The following RAB3GAP1 variants were observed in gnomAD, a reference collection of about 807,000 sequenced individuals.
RAB3GAP1 encodes rab3 GTPase-activating protein catalytic subunit.
Under a neutral mutation model 130.7 loss-of-function variants are expected in RAB3GAP1, and 86 were observed. The observed-to-expected ratio is 0.66, with a 90% CI of 0.55 to 0.79. The LOEUF (loss-of-function observed/expected upper bound fraction) is 0.79, where lower values mean the gene tolerates loss of function less well. Ranked by LOEUF, RAB3GAP1 falls within the 30% of genes least tolerant of loss-of-function variation. RAB3GAP1 has a pLI of 0.00. For synonymous variants in RAB3GAP1, 367 were observed against 401.7 expected, an observed-to-expected ratio of 0.91 and a Z score of 1.03; for missense variants, 1,029 against 1,169.4, an observed-to-expected ratio of 0.88 and a Z score of 1.75.
intron 19 of RAB3GAP1, among the ~76,000 whole-genome samples, chr2:135,159,112 T>A (rs1692395842): frequency 6.6e-6 from 1 of 152,192 alleles, no homozygotes; most frequent in South Asian, 2.1e-4. Flanking sequence ...CTTGAGTTCA[T>A]ACTGGTATAA....
At chr2:135,070,787 C>T (rs962140011) in intron 3 of RAB3GAP1, among the ~76,000 whole-genome samples, 8 of 152,022 alleles carry the variant, frequency 5.3e-5, no homozygotes, top group African/African-American at 1.7e-4. Context: ...CCACCACGCC[C>T]GGCCTGTAAA....
intron 5 of RAB3GAP1, among the ~76,000 whole-genome samples, chr2:135,106,768 T>TAAAAAAAAAAAA (rs1690637700): frequency 9.8e-5 from 6 of 61,468 alleles, no homozygotes; most frequent in Non-Finnish European, 1.7e-4. Context: ...AAAAAAAAAA[T>TAAAAAAAAAAAA]AAAAAAATAA....
At chr2:135,111,828 A>G (rs1216936850) in intron 5 of RAB3GAP1, among the ~76,000 whole-genome samples, 1 of 152,182 alleles carries the variant, frequency 6.6e-6, no homozygotes, top group Non-Finnish European at 1.5e-5. Flanking sequence ...TAGTTTACTT[A>G]GATACAAAAT....
chr2:135,063,939 G>T (rs1689246971), intron 3 of RAB3GAP1, among the ~76,000 whole-genome samples: 1 of 152,148 alleles, frequency 6.6e-6, no homozygotes, highest in Admixed American at 6.5e-5. Context: ...TTTCCTGAAA[G>T]ATTTTGCCGT....
chr2:135,061,964 C>A (rs1689183574), intron 3 of RAB3GAP1, among the ~76,000 whole-genome samples: 1 of 152,036 alleles, frequency 6.6e-6, no homozygotes, highest in African/African-American at 2.4e-5. Context: ...AAGTGGTCTA[C>A]TTCTGGAGTC....
At chr2:135,053,156 T>C (rs1688926230) in intron 2 of RAB3GAP1, among the ~76,000 whole-genome samples, 1 of 152,198 alleles carries the variant, frequency 6.6e-6, no homozygotes, top group African/African-American at 2.4e-5. Context: ...TACGCCCAAC[T>C]AATTTTTTAA....
Position 135,093,686 on chromosome 2 carries a change from G to C in RAB3GAP1, c.355G>C (p.Val119Leu). Residue 119 changes from valine to leucine, a missense_variant, in exon 5 of 24, where the codon GTA (valine) becomes CTA (leucine). Transcript: ENST00000264158. ...CTTTCCTCCAAGAGCACATTGCCTG[G>C]TAAGATGGTAGGTATATCTTTTACT... The part of the protein sequence containing the change: ...NDFPPRAHCL[V>L]RWYGLREFVV... 1 of 1,609,440 alleles carries C rather than the reference G, an allele frequency of 6.2e-7. No homozygotes were observed. Among genetic ancestry groups the C allele is most frequent in the South Asian group, 1.1e-5 (1 of 90,982 alleles).
chr2:135,130,571 T>C lies in RAB3GAP1; in HGVS notation c.1086T>C (p.His362=). The C allele has an allele frequency of 1.9e-6, 3 of 1,613,466 alleles. No individual in the cohort carries two copies. The highest frequency in any genetic ancestry group is 2.5e-6 in the Non-Finnish European group (3 of 1,179,544). The change falls in exon 13 of 24, where the codon CAT becomes CAC. Residue 362 remains histidine, a synonymous_variant. Transcript: ENST00000264158. ...EEGKETADIT[H]ALSKLTEPAS... ...TTATAGAAACTGCTGATATAACTCATGCTTTGTCAAAATTGACAGAGCCGG... is the reference window on the plus strand; with the variant it reads ...TTATAGAAACTGCTGATATAACTCACGCTTTGTCAAAATTGACAGAGCCGG...
At chr2:135,162,345 GA>G in intron 19 of RAB3GAP1, 3 of 559,136 alleles carry the variant, frequency 5.4e-6, no homozygotes, top group East Asian at 3.1e-5. Context: ...TAAGAAAGCA[GA>G]AAAAAATAGA....
At chr2:135,061,003 CTTT>C (rs369829961) in intron 3 of RAB3GAP1, among the ~76,000 whole-genome samples, 4 of 131,106 alleles carry the variant, frequency 3.1e-5, no homozygotes, top group African/African-American at 2.8e-5. Flanking sequence ...TGGGCCCAGC[CTTT>C]TTTTTTTTTT....
At chr2:135,052,585 G>C in intron 2 of RAB3GAP1, 100 bp downstream of exon 2, 2 of 1,388,106 alleles carry the variant, frequency 1.4e-6, no homozygotes, top group Non-Finnish European at 2.0e-6. Flanking sequence ...CCACTTGTGC[G>C]GGAACGGTAA....
intron 5 of RAB3GAP1, among the ~76,000 whole-genome samples, chr2:135,100,257 A>C: frequency 6.6e-6 from 1 of 152,226 alleles, no homozygotes; most frequent in Non-Finnish European, 1.5e-5. Context: ...AGCACAGCAT[A>C]GTCAGTTTTG....
At chr2:135,092,802 C>G (rs1690185827) in intron 4 of RAB3GAP1, among the ~76,000 whole-genome samples, 1 of 152,120 alleles carries the variant, frequency 6.6e-6, no homozygotes, top group Non-Finnish European at 1.5e-5. Flanking sequence ...GTGCAGTTTT[C>G]TTTTAATTTG....
chr2:135,153,749 T>C lies in RAB3GAP1; in HGVS notation c.2162T>C (p.Leu721Pro). 1 of 1,614,044 alleles carries C rather than the reference T, an allele frequency of 6.2e-7. No individual in the cohort carries two copies. The change falls in exon 19 of 24, where the codon CTG becomes CCG. Residue 721 changes from leucine to proline, a missense_variant. Leu to Pro is a moderately conservative substitution (Grantham distance 98, BLOSUM62 -3). Coordinates refer to ENST00000264158, the MANE Select transcript of RAB3GAP1 (RefSeq NM_012233.3). The stretch of plus-strand genomic sequence containing the variant: ...ATTGATGAAAAGGGCAATGTGGTGC[T>C]GAAAGGAGAACTGAGTGCCCGGATG... Reference protein sequence around the residue: ...EVIDEKGNVVLKGELSARMKI... With the variant: ...EVIDEKGNVVPKGELSARMKI...
intron 3 of RAB3GAP1, among the ~76,000 whole-genome samples, chr2:135,081,966 C>A (rs903571313): frequency 6.6e-6 from 1 of 151,772 alleles, no homozygotes; most frequent in African/African-American, 2.4e-5. Context: ...CATGGTAAAG[C>A]CCCCATCTAT....
chr2:135,052,718 G>GA (rs1260763941), intron 2 of RAB3GAP1, among the ~76,000 whole-genome samples: 1 of 152,156 alleles, frequency 6.6e-6, no homozygotes, highest in Non-Finnish European at 1.5e-5. Context: ...CAGGCTCTCA[G>GA]AAAGTTTTGT....
At chr2:135,133,335 G>A (rs1691598086) in intron 14 of RAB3GAP1, among the ~76,000 whole-genome samples, 1 of 152,086 alleles carries the variant, frequency 6.6e-6, no homozygotes, top group Non-Finnish European at 1.5e-5. Context: ...GAAGTAAAAT[G>A]TGTAAAATTA....
At chr2:135,107,242 T>C (rs1001305966) in intron 5 of RAB3GAP1, among the ~76,000 whole-genome samples, 1 of 151,978 alleles carries the variant, frequency 6.6e-6, no homozygotes, top group East Asian at 1.9e-4. Context: ...CTAAAAGACA[T>C]AGAGGGTAAC....
chr2:135,157,233 G>C (rs1398106671), intron 19 of RAB3GAP1, among the ~76,000 whole-genome samples: 1 of 152,072 alleles, frequency 6.6e-6, no homozygotes, highest in Non-Finnish European at 1.5e-5. Context: ...TGCTCAGGCT[G>C]ATCTCAAACT....
Sources: gnomAD v4.1 joint callset for allele counts (sites outside exome capture counted in the v4.1 genomes callset) on GRCh38, gnomAD v4.1.1 for gene constraint, MANE v1.5 for transcripts, NCBI Gene and HGNC (gene_info 2026-07-23, HGNC 2026-07-21) for gene names.